Variants in SKIC8 observed in about 807,000 individuals in gnomAD.
The protein encoded by SKIC8 is superkiller complex protein 8.
At chr15:78,299,353 T>A in the SKIC8 span, 12 of 152,292 alleles carry the variant, frequency 7.9e-5, no homozygotes, top group African/African-American at 2.7e-4. Context: ...CCCACGGGCC[T>A]CCCCCACTCC....
chr15:78,294,889 C>A, the SKIC8 span: 1 of 1,610,830 alleles, frequency 6.2e-7, no homozygotes, highest in Non-Finnish European at 8.5e-7. Flanking sequence ...AAGTCTTAAA[C>A]CAGGGACAAC....
chr15:78,298,803 AACT>A, the SKIC8 span, among the ~76,000 whole-genome samples: 2 of 152,018 alleles, frequency 1.3e-5, no homozygotes, highest in African/African-American at 2.4e-5. Flanking sequence ...ATAAGGGGGG[AACT>A]ACTATTTTTT....
the SKIC8 span, chr15:78,289,765 G>T: frequency 6.4e-7 from 1 of 1,573,728 alleles, no homozygotes; most frequent in Non-Finnish European, 8.7e-7. Context: ...GTGTTGTTAA[G>T]CTGTCCCTAC....
chr15:78,290,021 A>G, the SKIC8 span: 1 of 1,614,038 alleles, frequency 6.2e-7, no homozygotes, highest in Non-Finnish European at 8.5e-7. Context: ...TTCCACACCA[A>G]AAATGTTCAC....
chr15:78,295,401 C>CTTTTT, the SKIC8 span: 55 of 395,138 alleles, frequency 1.4e-4, no homozygotes, highest in South Asian at 3.6e-4. Flanking sequence ...CTATTCTGAT[C>CTTTTT]TTTTTTTTTT....
the SKIC8 span, chr15:78,283,746 A>T: frequency 1.2e-5 from 5 of 423,674 alleles, no homozygotes; most frequent in East Asian, 1.5e-4. Flanking sequence ...AAAAAAAAAA[A>T]ATCATTTTTA....
At chr15:78,292,508 C>G in the SKIC8 span, 1 of 1,318,306 alleles carries the variant, frequency 7.6e-7, no homozygotes, top group Non-Finnish European at 1.1e-6. Flanking sequence ...ACATTATCAC[C>G]CCTCTCAAAT....
At chr15:78,298,579 G>A in the SKIC8 span, among the ~76,000 whole-genome samples, 1 of 152,056 alleles carries the variant, frequency 6.6e-6, no homozygotes, top group Admixed American at 6.5e-5. Context: ...TTCTCTTATT[G>A]TGCCTAATTT....
chr15:78,288,188 G>C, the SKIC8 span: 5 of 1,258,224 alleles, frequency 4.0e-6, no homozygotes, highest in African/African-American at 1.5e-5. Context: ...GATGTGACTT[G>C]AGCACAGGTC....
At chr15:78,283,450 G>C in the SKIC8 span, 2 of 1,613,642 alleles carry the variant, frequency 1.2e-6, no homozygotes, top group Admixed American at 1.7e-5. Flanking sequence ...GACAATCATA[G>C]ATGTGAATTT....
chr15:78,283,406 C>A, the SKIC8 span: 26 of 1,569,034 alleles, frequency 1.7e-5, 1 homozygote, highest in South Asian at 2.9e-4. Flanking sequence ...ATTCTCTTTG[C>A]AGCATAAGCC....
chr15:78,298,402 T>G, the SKIC8 span, among the ~76,000 whole-genome samples: 1 of 152,232 alleles, frequency 6.6e-6, no homozygotes, highest in African/African-American at 2.4e-5. Context: ...TAACCCCGCT[T>G]ACTAGGTACA....
chr15:78,296,896 C>T, the SKIC8 span, among the ~76,000 whole-genome samples: 7 of 152,188 alleles, frequency 4.6e-5, no homozygotes, highest in African/African-American at 1.7e-4. Flanking sequence ...TATGAAGTCG[C>T]TACAGACACT....
the SKIC8 span, chr15:78,289,598 A>C: frequency 6.4e-7 from 1 of 1,574,688 alleles, no homozygotes; most frequent in Non-Finnish European, 8.7e-7. Flanking sequence ...CAGTTTGTCA[A>C]AATAAGATGA....
the SKIC8 span, among the ~76,000 whole-genome samples, chr15:78,296,338 G>A: frequency 6.6e-5 from 10 of 151,980 alleles, no homozygotes; most frequent in South Asian, 4.1e-4. Context: ...CCTAGGCAGC[G>A]GAGGTTGCAG....
At chr15:78,289,956 C>A in the SKIC8 span, 1 of 1,613,286 alleles carries the variant, frequency 6.2e-7, no homozygotes, top group Non-Finnish European at 8.5e-7. Context: ...CTTACATATG[C>A]AATACTAAGA....
chr15:78,290,718 T>C, the SKIC8 span: 2 of 152,456 alleles, frequency 1.3e-5, no homozygotes, highest in Middle Eastern at 3.4e-3. Flanking sequence ...CTTTTGTTAC[T>C]GGACCAAATA....
chr15:78,286,062 TC>T, the SKIC8 span: 1 of 1,613,672 alleles, frequency 6.2e-7, no homozygotes, highest in South Asian at 1.1e-5. Flanking sequence ...GTGAGTGTCA[TC>T]AGGACAGAAT....
chr15:78,285,249 A>G, the SKIC8 span: 2 of 1,613,436 alleles, frequency 1.2e-6, no homozygotes, highest in Non-Finnish European at 1.7e-6. Context: ...AGATGAAATA[A>G]TAATGCCATA....
Sources: allele counts gnomAD v4.1 joint callset (sites outside exome capture counted in the v4.1 genomes callset), GRCh38; gene constraint gnomAD v4.1.1; transcripts MANE v1.5; gene names NCBI Gene and HGNC (gene_info 2026-07-23, HGNC 2026-07-21).